PTH2R: variants seen among roughly 807,000 people sequenced by gnomAD.
PTH2R encodes parathyroid hormone 2 receptor.
A neutral mutation model predicts 60.3 loss-of-function variants in PTH2R; 59 were observed. The ratio of observed to expected loss-of-function variants is 0.98; its 90% CI spans 0.79 to 1.22. PTH2R has a LOEUF of 1.22. Among genes scored for constraint, PTH2R ranks in the 50% most tolerant of loss-of-function variants. The pLI is 0.00. For missense variants in PTH2R, 749 were observed against 682.6 expected, an observed-to-expected ratio of 1.10 and a Z score of -1.08; for synonymous variants, 256 against 243.8, an observed-to-expected ratio of 1.05 and a Z score of -0.47.
intron 1 of PTH2R, among the ~76,000 whole-genome samples, chr2:208,420,050 C>T (rs1701722201): frequency 6.6e-6 from 1 of 152,036 alleles, no homozygotes; most frequent in Admixed American, 6.6e-5. Context: ...AAACCAAACA[C>T]CGCATGTTCT....
At chr2:208,460,479 G>T (rs569417843) in intron 9 of PTH2R, among the ~76,000 whole-genome samples, 1 of 152,032 alleles carries the variant, frequency 6.6e-6, no homozygotes, top group African/African-American at 2.4e-5. Flanking sequence ...CTATCTAATA[G>T]GTATTAGATA....
chr2:208,387,926 T>A (rs1442663867), intron 1 of PTH2R, among the ~76,000 whole-genome samples: 1 of 152,170 alleles, frequency 6.6e-6, no homozygotes, highest in Non-Finnish European at 1.5e-5. Context: ...CCCCTCTCAG[T>A]GCTAGTCTGT....
chr2:208,425,010 C>G lies in PTH2R; in HGVS notation c.76-3191C>G, dbSNP rs146382699. 8.4e-4 allele frequency among the ~76,000 whole-genome samples: 128 copies of G among 152,252 alleles called. 1 individual carries two copies. The highest frequency in any genetic ancestry group is 1.6e-3 in the Non-Finnish European group (111 of 68,016). ...AGCAAATCAAAAGACCACTGGGAAACCGGGTGAGACCTGTTGTAGCCATTG... is the reference window on the plus strand; with the variant it reads ...AGCAAATCAAAAGACCACTGGGAAAGCGGGTGAGACCTGTTGTAGCCATTG... On this transcript the variant is annotated intron_variant, in intron 1 of 12. Coordinates refer to ENST00000272847, the MANE Select transcript of PTH2R (RefSeq NM_005048.4).
intron 1 of PTH2R, among the ~76,000 whole-genome samples, chr2:208,360,395 C>T (rs1484289428): frequency 6.6e-6 from 1 of 152,142 alleles, no homozygotes; most frequent in Non-Finnish European, 1.5e-5. Context: ...GCAGCGTGCT[C>T]CTCGCAGGTT....
chr2:208,459,398 C>G (rs975659952), intron 8 of PTH2R, among the ~76,000 whole-genome samples: 2 of 152,064 alleles, frequency 1.3e-5, no homozygotes, highest in African/African-American at 2.4e-5. Flanking sequence ...TTTCTATGGA[C>G]AGGAATAGTT....
intron 1 of PTH2R, among the ~76,000 whole-genome samples, chr2:208,371,372 T>TA (rs950503954): frequency 2.0e-4 from 30 of 152,204 alleles, no homozygotes; most frequent in African/African-American, 7.2e-4. Flanking sequence ...AACGTGACGT[T>TA]AAAAAATAAA....
chr2:208,429,515 A>G (rs1701927722), intron 2 of PTH2R, among the ~76,000 whole-genome samples: 1 of 152,110 alleles, frequency 6.6e-6, no homozygotes, highest in Non-Finnish European at 1.5e-5. Flanking sequence ...AAATATGTAC[A>G]ATTTAAAATT....
At chr2:208,369,898 C>G (rs1338288448) in intron 1 of PTH2R, among the ~76,000 whole-genome samples, 1 of 152,020 alleles carries the variant, frequency 6.6e-6, no homozygotes, top group Non-Finnish European at 1.5e-5. Context: ...GAATGCTTTT[C>G]CAAAGCCTGG....
At chr2:208,384,328 A>G (rs192884171) in intron 1 of PTH2R, among the ~76,000 whole-genome samples, 8 of 152,320 alleles carry the variant, frequency 5.3e-5, no homozygotes, top group Admixed American at 4.6e-4. Context: ...AAAGCCTGTA[A>G]GAATAGGGCA....
chr2:208,436,589 G>A (rs1702079456), intron 2 of PTH2R, among the ~76,000 whole-genome samples: 1 of 152,132 alleles, frequency 6.6e-6, no homozygotes, highest in Admixed American at 6.5e-5. Context: ...GTTCGGGAAA[G>A]CTGCCTGGGC....
intron 9 of PTH2R, among the ~76,000 whole-genome samples, chr2:208,472,492 T>C (rs371887558): frequency 3.3e-5 from 5 of 152,270 alleles, no homozygotes; most frequent in South Asian, 2.1e-4. Context: ...CCTGTGCCAT[T>C]CTCATGATAG....
intron 8 of PTH2R, among the ~76,000 whole-genome samples, chr2:208,451,244 T>C (rs1702402768): frequency 6.6e-6 from 1 of 152,042 alleles, no homozygotes; most frequent in African/African-American, 2.4e-5. Flanking sequence ...TGCGATAAGG[T>C]AGCACGAAGG....
chr2:208,477,965 TACTAGTACTACTAGC>T (rs1190248993), intron 9 of PTH2R, among the ~76,000 whole-genome samples: 330 of 25,882 alleles, frequency 0.013, 1 homozygote, highest in African/African-American at 0.022. Flanking sequence ...CTACTACTAG[TACTAGTACTACTAGC>T]ACTACTACTA....
At chr2:208,466,899 A>G (rs1233790519) in intron 9 of PTH2R, among the ~76,000 whole-genome samples, 1 of 152,118 alleles carries the variant, frequency 6.6e-6, no homozygotes, top group African/African-American at 2.4e-5. Flanking sequence ...GTTTAATGCA[A>G]TCCTGCTTGT....
intron 1 of PTH2R, among the ~76,000 whole-genome samples, chr2:208,387,333 T>C (rs922979690): frequency 1.3e-5 from 2 of 152,300 alleles, no homozygotes; most frequent in East Asian, 3.9e-4. Context: ...AAATCATAAA[T>C]AAACAGTCTT....
intron 6 of PTH2R, among the ~76,000 whole-genome samples, chr2:208,444,052 A>G (rs927920693): frequency 3.7e-4 from 57 of 152,364 alleles, no homozygotes; most frequent in Admixed American, 2.9e-3. Context: ...AATTAGGTAT[A>G]GTAGATTGAT....
intron 1 of PTH2R, among the ~76,000 whole-genome samples, chr2:208,409,474 T>C (rs1245628556): frequency 6.6e-6 from 1 of 152,194 alleles, no homozygotes; most frequent in Non-Finnish European, 1.5e-5. Flanking sequence ...TTATGAAAAA[T>C]GAGGCTGGCT....
intron 1 of PTH2R, among the ~76,000 whole-genome samples, chr2:208,415,118 G>A (rs549363474): frequency 3.3e-5 from 5 of 152,232 alleles, no homozygotes; most frequent in African/African-American, 4.8e-5. Flanking sequence ...TATCAGCTTA[G>A]TGAATAACAA....
intron 1 of PTH2R, among the ~76,000 whole-genome samples, chr2:208,426,867 C>G (rs1211420003): frequency 3.9e-5 from 6 of 152,132 alleles, no homozygotes; most frequent in Non-Finnish European, 7.4e-5. Flanking sequence ...TGGACTAATA[C>G]AATGACTAAA....
Sources: gnomAD v4.1 joint callset for allele counts (sites outside exome capture counted in the v4.1 genomes callset) on GRCh38, gnomAD v4.1.1 for gene constraint, MANE v1.5 for transcripts, NCBI Gene and HGNC (gene_info 2026-07-23, HGNC 2026-07-21) for gene names.